Variants in GJB7 observed in about 807,000 individuals in gnomAD.
GJB7 encodes gap junction beta-7 protein.
For missense variants in GJB7, 253 were observed against 256.8 expected, an observed-to-expected ratio of 0.99 and a Z score of 0.10; for synonymous variants, 87 against 95.2, an observed-to-expected ratio of 0.91 and a Z score of 0.50.
chr6:87,313,876 T>A (rs1776545163), intron 2 of GJB7, among the ~76,000 whole-genome samples: 1 of 152,166 alleles, frequency 6.6e-6, no homozygotes, highest in East Asian at 1.9e-4. Context: ...GAGAATGGGA[T>A]CTTGTAATCT....
At position 87,324,225 on chromosome 6, in the gene GJB7, G is replaced by A. The variant is rs576235179; in HGVS notation, c.-205-1182C>T. On this transcript the variant is annotated intron_variant, in intron 1 of 2. Coordinates refer to ENST00000525899, the MANE Select transcript of GJB7 (RefSeq NM_198568.3). ...AAAATTTTCTCCCATTTTGTAGGTT[G>A]CCTGTTCACTCTGATGGTAGTTTCT... 2.9e-4 allele frequency among the ~76,000 whole-genome samples: 44 copies of A among 152,218 alleles called. 1 individual carries two copies. The highest frequency in any genetic ancestry group is 4.4e-4 in the Non-Finnish European group (30 of 68,026).
chr6:87,326,856 T>A (rs1776834835), intron 1 of GJB7, among the ~76,000 whole-genome samples: 1 of 121,580 alleles, frequency 8.2e-6, no homozygotes, highest in Non-Finnish European at 1.7e-5. Flanking sequence ...TGTCTAATGT[T>A]GACAGTGGGG....
rs149906281 is a variant in GJB7, at chr6:87,284,768, T to A, written c.145A>T (p.Lys49Ter). 2.5e-6 allele frequency: 4 copies of A among 1,614,018 alleles called. No homozygotes were observed. In the African/African-American group the frequency reaches 4.0e-5, roughly 16 times the overall value. The change falls in exon 3 of 3, where the codon AAA (lysine) becomes TAA (stop). Residue 49 changes from lysine (K) to a stop codon, truncating the protein, a stop_gained. Transcript: ENST00000525899. LOFTEE classifies it low-confidence loss of function (END_TRUNC). ...AAEHVWKDEQ[K>*]EFECNSRQPG... ...TGTCTACTGTTGCACTCAAACTCTT[T>A]CTGCTCATCTTTCCACACGTGCTCT...
intron 2 of GJB7, among the ~76,000 whole-genome samples, chr6:87,307,406 A>C (rs1776449144): frequency 1.3e-5 from 2 of 152,192 alleles, no homozygotes; most frequent in Admixed American, 1.3e-4. Context: ...GCTTCTGCAC[A>C]GCAAAAGAAA....
chr6:87,315,174 G>A (rs868104045), intron 2 of GJB7, among the ~76,000 whole-genome samples: 10 of 152,058 alleles, frequency 6.6e-5, no homozygotes, highest in African/African-American at 2.2e-4. Flanking sequence ...ATTCCCCGCC[G>A]ACCCCTTGTG....
At chr6:87,299,841 C>T in intron 2 of GJB7, 1 of 195,748 alleles carries the variant, frequency 5.1e-6, no homozygotes. Context: ...AATGTTTTTC[C>T]TTTTAAGGCT....
At chr6:87,292,416 A>G in intron 2 of GJB7, among the ~76,000 whole-genome samples, 1 of 152,240 alleles carries the variant, frequency 6.6e-6, no homozygotes, top group East Asian at 1.9e-4. Flanking sequence ...AAATCCAGAA[A>G]GTAAAAGGGC....
chr6:87,295,251 AT>A (rs1776233620), intron 2 of GJB7, among the ~76,000 whole-genome samples: 1 of 152,206 alleles, frequency 6.6e-6, no homozygotes, highest in African/African-American at 2.4e-5. Context: ...TTTTGGTACA[AT>A]TTGGAAACAT....
chr6:87,307,972 A>G (rs1423194423), intron 2 of GJB7, among the ~76,000 whole-genome samples: 2 of 152,210 alleles, frequency 1.3e-5, no homozygotes, highest in African/African-American at 4.8e-5. Flanking sequence ...ACTTGGAACC[A>G]ACCCAAATGT....
At chr6:87,287,709 G>T (rs1776086309) in intron 2 of GJB7, among the ~76,000 whole-genome samples, 1 of 152,116 alleles carries the variant, frequency 6.6e-6, no homozygotes, top group Admixed American at 6.5e-5. Flanking sequence ...TTACTCAAGA[G>T]GATATTTATG....
intron 2 of GJB7, among the ~76,000 whole-genome samples, chr6:87,301,759 C>A (rs957323070): frequency 6.6e-6 from 1 of 152,338 alleles, no homozygotes; most frequent in East Asian, 1.9e-4. Flanking sequence ...CCCGGAGTAG[C>A]CTAACTGGGA....
intron 2 of GJB7, among the ~76,000 whole-genome samples, chr6:87,305,778 A>G (rs1475293152): frequency 6.6e-6 from 1 of 152,236 alleles, no homozygotes; most frequent in Non-Finnish European, 1.5e-5. Context: ...TTCAAACTAT[A>G]CTACAAGGCT....
At chr6:87,304,833 A>C (rs1181893568) in intron 2 of GJB7, among the ~76,000 whole-genome samples, 1 of 152,240 alleles carries the variant, frequency 6.6e-6, no homozygotes, top group African/African-American at 2.4e-5. Flanking sequence ...AACGATGATC[A>C]AGTGGGCTTC....
At chr6:87,311,885 C>A (rs553841157) in intron 2 of GJB7, among the ~76,000 whole-genome samples, 1 of 152,226 alleles carries the variant, frequency 6.6e-6, no homozygotes, top group South Asian at 2.1e-4. Flanking sequence ...TGCAGGTACC[C>A]TTGATTCTTA....
intron 2 of GJB7, among the ~76,000 whole-genome samples, chr6:87,308,464 A>G (rs998825898): frequency 3.3e-5 from 5 of 152,240 alleles, no homozygotes; most frequent in Admixed American, 1.3e-4. Flanking sequence ...AACTGAAAAA[A>G]GATTTATTAA....
chr6:87,296,725 C>T (rs1250859981), intron 2 of GJB7, among the ~76,000 whole-genome samples: 1 of 151,944 alleles, frequency 6.6e-6, no homozygotes, highest in Non-Finnish European at 1.5e-5. Flanking sequence ...TCTTTTGTTC[C>T]TCCTCTTGGG....
chr6:87,306,983 A>T (rs930819907), intron 2 of GJB7, among the ~76,000 whole-genome samples: 6 of 152,060 alleles, frequency 3.9e-5, no homozygotes, highest in African/African-American at 1.4e-4. Context: ...ATGGGAACAC[A>T]TGGACACAGG....
chr6:87,288,435 T>C (rs1776101608), intron 2 of GJB7, among the ~76,000 whole-genome samples: 1 of 152,206 alleles, frequency 6.6e-6, no homozygotes, highest in Non-Finnish European at 1.5e-5. Flanking sequence ...GAAAATCATA[T>C]AGTGAATCCT....
At chr6:87,304,793 C>A (rs182675148) in intron 2 of GJB7, among the ~76,000 whole-genome samples, 2 of 152,250 alleles carry the variant, frequency 1.3e-5, no homozygotes, top group Non-Finnish European at 2.9e-5. Context: ...ACTAGCAAAC[C>A]AAATCCAGCA....
Sources: gnomAD v4.1 joint callset for allele counts (sites outside exome capture counted in the v4.1 genomes callset) on GRCh38, gnomAD v4.1.1 for gene constraint, MANE v1.5 for transcripts, NCBI Gene and HGNC (gene_info 2026-07-23, HGNC 2026-07-21) for gene names.